The following ST7L variants were observed in gnomAD, a reference collection of about 807,000 sequenced individuals.
The protein encoded by ST7L is suppression of tumorigenicity 7 like.
A neutral mutation model predicts 72.5 loss-of-function variants in ST7L; 57 were observed. The observed-to-expected ratio is 0.79, with a 90% CI of 0.64 to 0.98. ST7L has a LOEUF of 0.98. Among genes scored for constraint, ST7L ranks in the 50% least tolerant of loss-of-function variants. ST7L has a pLI of 0.00. For missense variants in ST7L, 576 were observed against 672.2 expected, an observed-to-expected ratio of 0.86 and a Z score of 1.58; for synonymous variants, 221 against 240.9, an observed-to-expected ratio of 0.92 and a Z score of 0.77.
chr1:112,527,089 A>G (rs2101139878), intron 14 of ST7L: 1 of 152,416 alleles, frequency 6.6e-6, no homozygotes, highest in South Asian at 2.1e-4. Context: ...ACAGTGAGTA[A>G]GAGCAGCTCC....
chr1:112,573,910 GTTTTTT>G (rs920123003), intron 11 of ST7L, among the ~76,000 whole-genome samples: 1 of 91,848 alleles, frequency 1.1e-5, no homozygotes, highest in Non-Finnish European at 2.0e-5. Context: ...TTCTTTTCCT[GTTTTTT>G]TTTTTTTTTT....
intron 14 of ST7L, chr1:112,527,859 G>GT (rs1339012338): frequency 6.6e-6 from 1 of 152,250 alleles, no homozygotes; most frequent in Non-Finnish European, 1.5e-5. Flanking sequence ...CTTTAGGAAT[G>GT]TAACTATGAA....
Position 112,580,737 on chromosome 1 carries a change from A to G in ST7L, c.1069+1255T>C, listed in dbSNP as rs538026476. ...CAGGAGATCGAGACCATCCTGGCCAACATGGTGAAACCTCATCTCTACTAA... is the reference window on the plus strand; with the variant it reads ...CAGGAGATCGAGACCATCCTGGCCAGCATGGTGAAACCTCATCTCTACTAA... On this transcript the variant is annotated intron_variant, in intron 9 of 14. Transcript: ENST00000358039. 3.9e-5 allele frequency among the ~76,000 whole-genome samples: 6 copies of G among 152,300 alleles called. No homozygotes were observed. The East Asian group carries it at 1.2e-3, about 29-fold the overall frequency.
downstream of ST7L, chr1:112,522,802 G>A (rs910894623): frequency 6.6e-6 from 1 of 152,224 alleles, no homozygotes; most frequent in Non-Finnish European, 1.5e-5. Context: ...TGGAGAAATG[G>A]GCCTGAGTGA....
chr1:112,568,889 A>ATATATATATATATATATATAT (rs1553247624), intron 11 of ST7L, among the ~76,000 whole-genome samples: 4 of 115,576 alleles, frequency 3.5e-5, no homozygotes, highest in African/African-American at 1.0e-4. Flanking sequence ...TATATATATA[A>ATATATATATATATATATATAT]AACAAAAATT....
rs1044466778 is a variant in ST7L, at chr1:112,555,947, A to C, written c.1317T>G (p.Ile439Met). 1 of 1,612,686 alleles carries C rather than the reference A, an allele frequency of 6.2e-7. No individual in the cohort carries two copies. The highest frequency in any genetic ancestry group is 1.7e-5 in the Admixed American group (1 of 59,948). ...HILKRGDSEAIAYAFFHLQHW... is the reference protein window; with the variant it reads ...HILKRGDSEAMAYAFFHLQHW... Reference sequence around the variant, plus strand: ...GCTGAAGATGAAAGAAAGCATAGGCAATTGCTTCACTATCACCCCGTTTCA... The same window carrying C: ...GCTGAAGATGAAAGAAAGCATAGGCCATTGCTTCACTATCACCCCGTTTCA... Residue 439 changes from isoleucine to methionine, a missense_variant, in exon 12 of 15, where the codon ATT becomes ATG. By Grantham distance (10) the Ile-to-Met change is conservative. This residue lies in a region of ST7L where 511 missense variants were observed against 600.7 expected (regional missense o/e 0.85). Transcript: ENST00000358039.
intron 3 of ST7L, among the ~76,000 whole-genome samples, chr1:112,605,800 C>T (rs1418502257): frequency 7.9e-5 from 12 of 152,230 alleles, no homozygotes; most frequent in Admixed American, 7.2e-4. Flanking sequence ...CAGCCCCACC[C>T]ATGCAGTTCT....
chr1:112,586,573 A>C (rs1316139797), intron 6 of ST7L, among the ~76,000 whole-genome samples: 1 of 152,244 alleles, frequency 6.6e-6, no homozygotes, highest in Non-Finnish European at 1.5e-5. Flanking sequence ...AAATATAAAC[A>C]TAATTATATG....
At chr1:112,575,376 G>T (rs1295414695) in intron 11 of ST7L, among the ~76,000 whole-genome samples, 1 of 152,098 alleles carries the variant, frequency 6.6e-6, no homozygotes, top group African/African-American at 2.4e-5. Context: ...GCCCATGATA[G>T]AATTTAATTT....
chr1:112,552,326 G>A (rs574831610), intron 12 of ST7L, among the ~76,000 whole-genome samples: 1 of 152,232 alleles, frequency 6.6e-6, no homozygotes, highest in East Asian at 1.9e-4. Flanking sequence ...GCCTGCTGTA[G>A]TCATCAAAAT....
At chr1:112,541,775 T>A in intron 14 of ST7L, 176 bp downstream of exon 14, 1 of 1,329,178 alleles carries the variant, frequency 7.5e-7, no homozygotes, top group Admixed American at 3.6e-5. Flanking sequence ...CAGAAGTAGC[T>A]CAAATCACCA....
At chr1:112,576,596 C>T (rs1474178610) in intron 11 of ST7L, among the ~76,000 whole-genome samples, 1 of 152,150 alleles carries the variant, frequency 6.6e-6, no homozygotes, top group African/African-American at 2.4e-5. Flanking sequence ...TTTGTCTACC[C>T]AACCCTAGTT....
intron 11 of ST7L, among the ~76,000 whole-genome samples, chr1:112,560,040 C>T (rs991245204): frequency 3.3e-5 from 5 of 152,050 alleles, no homozygotes; most frequent in Non-Finnish European, 5.9e-5. Context: ...TATTTGTTAT[C>T]GATTATTATT....
At chr1:112,574,103 G>C (rs1461112329) in intron 11 of ST7L, among the ~76,000 whole-genome samples, 3 of 149,236 alleles carry the variant, frequency 2.0e-5, no homozygotes, top group Non-Finnish European at 4.5e-5. Flanking sequence ...TTTTAGTAGA[G>C]ACAGGGTTTC....
chr1:112,537,162 A>AT (rs942581233), intron 14 of ST7L, among the ~76,000 whole-genome samples: 29 of 151,782 alleles, frequency 1.9e-4, no homozygotes, highest in Non-Finnish European at 3.4e-4. Flanking sequence ...CGCCCAGCTA[A>AT]TTTTTTTTGT....
intron 6 of ST7L, among the ~76,000 whole-genome samples, chr1:112,591,071 C>CA (rs1232986765): frequency 6.6e-6 from 1 of 151,860 alleles, no homozygotes; most frequent in African/African-American, 2.4e-5. Context: ...GCTGGGACTA[C>CA]AGGCGCTCGC....
chr1:112,600,744 C>T (rs745767637), intron 4 of ST7L, 50 bp downstream of exon 4: 3 of 1,489,700 alleles, frequency 2.0e-6, no homozygotes, highest in Non-Finnish European at 1.9e-6. Flanking sequence ...TTGTAAATAC[C>T]TTTACTCTAA....
chr1:112,563,083 C>T lies in ST7L; in HGVS notation c.1246-7065G>A, dbSNP rs115912383. 1.5e-3 allele frequency among the ~76,000 whole-genome samples: 219 copies of T among 147,870 alleles called. 1 individual carries two copies. The highest frequency in any genetic ancestry group is 5.4e-3 in the African/African-American group (206 of 38,096). On this transcript the variant is annotated intron_variant, in intron 11 of 14. Coordinates refer to ENST00000358039, the MANE Select transcript of ST7L (RefSeq NM_017744.5). ...GAAGAGTCTGAATTTTTAAAAAGTA[C>T]CTATTACTTTTGTTATAATAATAAT...
chr1:112,525,781 T>C lies in ST7L; in HGVS notation c.*232A>G. 2.0e-6 allele frequency: 1 copy of C among 505,572 alleles called. No homozygotes were observed. The highest frequency in any genetic ancestry group is 3.3e-6 in the Non-Finnish European group (1 of 301,212). 31.3% of individuals were successfully genotyped at this position (505,572 alleles called of 1,614,324 possible). A position where few individuals can be genotyped will look rare whatever the true frequency, so the allele number is the denominator to read the frequency against. The stretch of plus-strand genomic sequence containing the variant: ...CCCTGGCCAAACAGAAAGGCTAAGC[T>C]GAATGAAGAAAAAAGGAAGACAATT... On this transcript the variant is annotated 3_prime_UTR_variant, in exon 15 of 15. Coordinates refer to ENST00000358039, the MANE Select transcript of ST7L (RefSeq NM_017744.5).
Sources: gnomAD v4.1 joint callset for allele counts (sites outside exome capture counted in the v4.1 genomes callset) on GRCh38, gnomAD v4.1.1 for gene constraint, gnomAD v4.1.1 regional missense constraint, MANE v1.5 for transcripts, NCBI Gene and HGNC (gene_info 2026-07-23, HGNC 2026-07-21) for gene names.